The following DLGAP2 variants were observed in gnomAD, a reference collection of about 807,000 sequenced individuals.
DLGAP2 encodes disks large-associated protein 2.
DLGAP2 carries 26 observed loss-of-function variants against 100.3 expected under a neutral mutation model. The ratio of observed to expected loss-of-function variants is 0.26; its 90% confidence interval spans 0.19 to 0.36. The LOEUF is 0.36. Among genes scored for constraint, DLGAP2 ranks in the 10% least tolerant of loss-of-function variants. DLGAP2 has a pLI of 1.00. For synonymous variants in DLGAP2, 886 were observed against 630.1 expected (o/e 1.41, Z -6.08); for missense variants, 1,858 against 1,453.2 (o/e 1.28, Z -4.53).
chr8:1,194,457 G>C (rs915020036), intron 2 of DLGAP2, among the ~76,000 whole-genome samples: 1 of 152,140 alleles, frequency 6.6e-6, no homozygotes, highest in African/African-American at 2.4e-5. Context: ...CAGGTGGGGA[G>C]GACGGCAGAG....
chr8:1,060,778 C>A (rs911982574), intron 2 of DLGAP2, among the ~76,000 whole-genome samples: 1 of 152,162 alleles, frequency 6.6e-6, no homozygotes, highest in African/African-American at 2.4e-5. Context: ...CAGAGAGGGG[C>A]CTGCGGGTTC....
intron 8 of DLGAP2, among the ~76,000 whole-genome samples, chr8:1,665,864 C>G (rs1273254208): frequency 6.6e-6 from 1 of 152,258 alleles, no homozygotes; most frequent in African/African-American, 2.4e-5. Flanking sequence ...CTCTCCAGGG[C>G]TGTCACGTGG....
At chr8:1,190,412 T>C (rs1301603097) in intron 2 of DLGAP2, among the ~76,000 whole-genome samples, 1 of 37,456 alleles carries the variant, frequency 2.7e-5, no homozygotes, top group Non-Finnish European at 6.7e-5. Context: ...CATCTGCTGT[T>C]GGGGCATCTG....
At chr8:1,500,971 C>T (rs1311416745) in intron 3 of DLGAP2, among the ~76,000 whole-genome samples, 4 of 152,178 alleles carry the variant, frequency 2.6e-5, no homozygotes, top group Non-Finnish European at 5.9e-5. Flanking sequence ...ATGGGCGATG[C>T]AGGGCCCTCA....
intron 2 of DLGAP2, among the ~76,000 whole-genome samples, chr8:973,779 G>GGCGAATCCGGAGC (rs1170501306): frequency 6.6e-6 from 1 of 151,984 alleles, no homozygotes; most frequent in Non-Finnish European, 1.5e-5. Context: ...GCTGAGCGGA[G>GGCGAATCCGGAGC]GCGAATCCGG....
intron 2 of DLGAP2, chr8:1,247,159 G>C (rs866391627): frequency 3.1e-5 from 5 of 159,060 alleles, no homozygotes; most frequent in South Asian, 1.1e-4. Context: ...AGACCTTTGA[G>C]ATCAGTGTGG....
chr8:1,332,148 GGTGT>G (rs768771258), intron 3 of DLGAP2, among the ~76,000 whole-genome samples: 3 of 151,804 alleles, frequency 2.0e-5, no homozygotes, highest in Admixed American at 6.6e-5. Flanking sequence ...TAGAAATGGG[GGTGT>G]GTGTGAGTGT....
chr8:1,258,332 G>C (rs376121251), intron 2 of DLGAP2, among the ~76,000 whole-genome samples: 43 of 152,226 alleles, frequency 2.8e-4, no homozygotes, highest in African/African-American at 8.9e-4. Context: ...GCATGTGACA[G>C]GTCGTTACTA....
chr8:1,103,296 G>C (rs1804646078), intron 2 of DLGAP2, among the ~76,000 whole-genome samples: 1 of 152,196 alleles, frequency 6.6e-6, no homozygotes, highest in Non-Finnish European at 1.5e-5. Flanking sequence ...GAAACTTTCA[G>C]GGCTTCTCAG....
At chr8:911,536 CATGTTGGAAGGATGCATGTATAACAT>C (rs1206879001) in intron 2 of DLGAP2, among the ~76,000 whole-genome samples, 1 of 135,060 alleles carries the variant, frequency 7.4e-6, no homozygotes, top group Non-Finnish European at 1.5e-5. Flanking sequence ...ACGTGTATAA[CATGTTGGAAGGATGCATGTATAACAT>C]ATGTTGGAAG....
At chr8:1,602,134 G>A (rs1014474927) in intron 6 of DLGAP2, among the ~76,000 whole-genome samples, 6 of 152,138 alleles carry the variant, frequency 3.9e-5, no homozygotes, top group African/African-American at 9.7e-5. Context: ...GTGAGTGAAT[G>A]TATATGTTCT....
chr8:808,482 G>T (rs367912097), intron 1 of DLGAP2, among the ~76,000 whole-genome samples: 1 of 152,184 alleles, frequency 6.6e-6, no homozygotes, highest in African/African-American at 2.4e-5. Context: ...CCAAAAGGGC[G>T]TTCTGGGAAC....
At chr8:1,447,163 C>T (rs531764610) in intron 3 of DLGAP2, among the ~76,000 whole-genome samples, 1 of 152,326 alleles carries the variant, frequency 6.6e-6, no homozygotes, top group Non-Finnish European at 1.5e-5. Flanking sequence ...GCATCCCTGT[C>T]TTGTGCCAGT....
At chr8:1,273,501 G>C (rs1017972960) in intron 3 of DLGAP2, among the ~76,000 whole-genome samples, 2 of 152,114 alleles carry the variant, frequency 1.3e-5, no homozygotes, top group African/African-American at 2.4e-5. Context: ...CAGGAGTCTC[G>C]AGCTGCGGCA....
chr8:1,481,473 T>TTC (rs1271421651), intron 3 of DLGAP2, among the ~76,000 whole-genome samples: 5 of 110,724 alleles, frequency 4.5e-5, no homozygotes, highest in Non-Finnish European at 6.7e-5. Context: ...TTCTTTTTCT[T>TTC]TTTTTTTTTT....
rs2972175 is a variant in DLGAP2, at chr8:1,704,713, A to G, written c.*3307A>G. 5 of 152,010 alleles carry G rather than the reference A, an allele frequency of 3.3e-5. No homozygotes were observed. In the East Asian group the frequency reaches 9.7e-4, roughly 29 times the overall value. 9.4% of individuals were successfully genotyped at this position (152,010 alleles called of 1,614,324 possible). ...CAATTCTAAAAACTTCAAGCACTTA[A>G]TGGAAAGGTAAATGGTCAGATAAAA... On this transcript the variant is annotated 3_prime_UTR_variant, in exon 15 of 15. Coordinates refer to ENST00000637795, the MANE Select transcript of DLGAP2 (RefSeq NM_001346810.2).
intron 3 of DLGAP2, among the ~76,000 whole-genome samples, chr8:1,317,973 AGTG>A (rs1563079715): frequency 0.013 from 489 of 37,768 alleles, no homozygotes; most frequent in African/African-American, 0.018. Flanking sequence ...TCTCTCCAAC[AGTG>A]GTCTACACTC....
intron 2 of DLGAP2, among the ~76,000 whole-genome samples, chr8:1,240,742 G>GGTTCTCTCACATGGCGCCGTGTCTA (rs1798774192): frequency 1.1e-5 from 1 of 94,166 alleles, no homozygotes; most frequent in Non-Finnish European, 2.2e-5. Context: ...CGCCGTGTCT[G>GGTTCTCTCACATGGCGCCGTGTCTA]GTTCTCTCGC....
rs146989098 is a variant in DLGAP2 at position 1,605,095 on chromosome 8, C to T, written c.1443-21645C>T. Among the ~76,000 whole-genome samples the T allele has an allele frequency of 6.4e-3, 967 of 152,282 alleles. 9 individuals carry two copies. The highest frequency in any genetic ancestry group is 0.022 in the African/African-American group (907 of 41,560). On this transcript the variant is annotated intron_variant, in intron 6 of 14. Transcript: ENST00000637795. ...GTGCCATCGGCTCACCTGACCTCAT[C>T]GGCCCCTGAGGATGCAGGCCAGGCA... is the stretch of plus-strand genomic sequence containing the variant.
Sources: gnomAD v4.1 joint callset for allele counts (sites outside exome capture counted in the v4.1 genomes callset) on GRCh38, gnomAD v4.1.1 for gene constraint, MANE v1.5 for transcripts, NCBI Gene and HGNC (gene_info 2026-07-23, HGNC 2026-07-21) for gene names.